The following PPP2R5C variants were observed in gnomAD, a reference collection of about 807,000 sequenced individuals.
PPP2R5C encodes the protein protein phosphatase 2 regulatory subunit B'gamma.
A neutral mutation model predicts 68.9 loss-of-function variants in PPP2R5C; 7 were observed. The observed-to-expected ratio is 0.10, with a 90% CI of 0.06 to 0.19. PPP2R5C has a LOEUF of 0.19. Ranked by LOEUF, PPP2R5C falls within the 10% of genes least tolerant of loss-of-function variation. The pLI, the probability that PPP2R5C is intolerant of heterozygous loss-of-function variation, is 1.00. For missense variants in PPP2R5C, 348 were observed against 641.3 expected (o/e 0.54, Z 4.94); for synonymous variants, 210 against 222.2 (o/e 0.95, Z 0.49).
chr14:101,905,761 A>G (rs372312089), intron 9 of PPP2R5C, among the ~76,000 whole-genome samples: 8 of 151,894 alleles, frequency 5.3e-5, no homozygotes, highest in African/African-American at 4.8e-5. Flanking sequence ...CCTACTGTTC[A>G]TGCCCCCACT....
At chr14:101,765,495 G>T (rs1190998044) in intron 2 of PPP2R5C, 3 of 476,244 alleles carry the variant, frequency 6.3e-6, no homozygotes, top group Admixed American at 7.0e-5. Flanking sequence ...CTCTCTCTCA[G>T]TATTACTCTT....
At chr14:101,883,680 A>C in intron 5 of PPP2R5C, 118 bp downstream of exon 7, 1 of 1,345,706 alleles carries the variant, frequency 7.4e-7, no homozygotes, top group Non-Finnish European at 1.0e-6. Flanking sequence ...GGGTTTCTCA[A>C]AGCCTATTTG....
chr14:101,903,306 T>C (rs1229370287), intron 9 of PPP2R5C, among the ~76,000 whole-genome samples: 1 of 152,176 alleles, frequency 6.6e-6, no homozygotes, highest in Non-Finnish European at 1.5e-5. Flanking sequence ...CAATGTGCTG[T>C]TTTGCATAAA....
chr14:101,835,927 G>C lies in PPP2R5C; in HGVS notation c.95-20759G>C, dbSNP rs1275782583. ...GTAGCCCCTCTGTGTGTTCTTACTA[G>C]GATTAGTGGGCTGGGAAAAGTTACA... On this transcript the variant is annotated intron_variant, in intron 1 of 13. Transcript: ENST00000334743. This position sits in a 1 kb window ranked among gnomAD's most constrained non-coding sequence, Gnocchi z 5.0. Among the ~76,000 whole-genome samples, 1 of 152,150 alleles carries C rather than the reference G, an allele frequency of 6.6e-6. No individual in the cohort carries two copies. Among genetic ancestry groups the C allele is most frequent in the East Asian group, 1.9e-4 (1 of 5,194 alleles).
At chr14:101,867,476 T>C (rs2043148544) in intron 2 of PPP2R5C, among the ~76,000 whole-genome samples, 1 of 151,966 alleles carries the variant, frequency 6.6e-6, no homozygotes, top group Non-Finnish European at 1.5e-5. Flanking sequence ...TATTTTTCTT[T>C]CTTAAAAATA....
chr14:101,803,675 C>T (rs2038961785), intron 3 of PPP2R5C, among the ~76,000 whole-genome samples: 1 of 150,868 alleles, frequency 6.6e-6, no homozygotes, highest in African/African-American at 2.4e-5. Context: ...AGCGAGCAGA[C>T]ATCGCACCAC....
At chr14:101,910,185 C>T (rs1209928596) in intron 11 of PPP2R5C, among the ~76,000 whole-genome samples, 2 of 152,100 alleles carry the variant, frequency 1.3e-5, no homozygotes, top group South Asian at 2.1e-4. Flanking sequence ...GCCTTTGAGC[C>T]CACATGTGTC....
At chr14:101,808,750 C>A (rs2039182636), upstream of PPP2R5C, among the ~76,000 whole-genome samples, 1 of 152,146 alleles carries the variant, frequency 6.6e-6, no homozygotes, top group South Asian at 2.1e-4. Context: ...AAATGAGGAG[C>A]CATGGTTTGG....
intron 13 of PPP2R5C, among the ~76,000 whole-genome samples, chr14:101,920,331 T>A (rs987959480): frequency 1.3e-5 from 2 of 152,216 alleles, no homozygotes; most frequent in Non-Finnish European, 2.9e-5. Context: ...GGTTACCTTA[T>A]ACAGTGACAG....
intron 3 of PPP2R5C, among the ~76,000 whole-genome samples, chr14:101,801,764 C>T (rs1463677180): frequency 6.6e-6 from 1 of 152,194 alleles, no homozygotes; most frequent in Non-Finnish European, 1.5e-5. Context: ...CAGTACTGCC[C>T]AAAGCAATCT....
At chr14:101,840,309 CAGAA>C (rs755550258) in intron 1 of PPP2R5C, among the ~76,000 whole-genome samples, 12 of 151,876 alleles carry the variant, frequency 7.9e-5, no homozygotes, top group Non-Finnish European at 1.8e-4. Flanking sequence ...TCAAAAGAGT[CAGAA>C]AGAACCTCAT....
At chr14:101,772,645 T>A (rs1012271374) in intron 2 of PPP2R5C, among the ~76,000 whole-genome samples, 7 of 151,954 alleles carry the variant, frequency 4.6e-5, no homozygotes, top group African/African-American at 7.3e-5. Context: ...AAATTTTTTT[T>A]AAAAGCCGAG....
upstream of PPP2R5C, among the ~76,000 whole-genome samples, chr14:101,808,838 G>A (rs184499608): frequency 9.9e-4 from 150 of 152,206 alleles, no homozygotes; most frequent in African/African-American, 3.4e-3. Flanking sequence ...CTTATAGTTC[G>A]TTTTCATTTG....
chr14:101,843,754 T>G, intron 1 of PPP2R5C: 1 of 209,878 alleles, frequency 4.8e-6, no homozygotes, highest in Non-Finnish European at 9.9e-6. Context: ...ACAGCAAATT[T>G]TACTTTTTTC....
chr14:101,819,138 G>C, intron 1 of PPP2R5C: 1 of 1,459,536 alleles, frequency 6.9e-7, no homozygotes, highest in Non-Finnish European at 9.4e-7. Flanking sequence ...GACAGTTTCT[G>C]TACATGTATA....
chr14:101,825,211 C>CGTGTGTGTGTGTGTGTGT lies in PPP2R5C; in HGVS notation c.94+15196_94+15213dup, dbSNP rs10588262. Among the ~76,000 whole-genome samples the CGTGTGTGTGTGTGTGTGT allele has an allele frequency of 2.1e-5, 3 of 143,110 alleles. No individual in the cohort carries two copies. The highest frequency in any genetic ancestry group is 2.1e-4 in the East Asian group (1 of 4,816). 93.9% of individuals were successfully genotyped at this position (143,110 alleles called of 152,430 possible). On this transcript the variant is annotated intron_variant, in intron 1 of 13. Transcript: ENST00000334743. The surrounding 1 kb of genome is among the most constrained non-coding windows in gnomAD (Gnocchi z 4.0). ...AGGGATAGGATAAGAGGGTTTTCAG[C>CGTGTGTGTGTGTGTGTGT]GTGTGTGTGTGTGTGTGTGTGTGTG...
In PPP2R5C at chr14:101,840,443, C is replaced by T. The variant is rs1595341739; in HGVS notation, c.95-16243C>T. On this transcript the variant is annotated intron_variant, in intron 1 of 13. Coordinates refer to ENST00000334743, the Ensembl canonical transcript of PPP2R5C. ...CTGCTTTCTGGTTTTTATCTTCTTA[C>T]CCATGTGAGCTTCCAGCACCACCTG... Among the ~76,000 whole-genome samples the T allele has an allele frequency of 1.4e-5, 2 of 144,954 alleles. 1 individual carries two copies. Among genetic ancestry groups the T allele is most frequent in the South Asian group, 4.4e-4 (2 of 4,570 alleles).
chr14:101,887,197 ACCCATGGTG>A lies in PPP2R5C; in HGVS notation c.630-3037_630-3029del, dbSNP rs1397288406. ...TGTGAGTTAAACAGTGCTGTCCATA[ACCCATGGTG>A]CCTGCTCTGGCACACAGCGGGACCT... On this transcript the variant is annotated intron_variant, in intron 5 of 13. Transcript: ENST00000334743. Among the ~76,000 whole-genome samples the A allele has an allele frequency of 2.0e-5, 3 of 152,156 alleles. No individual in the cohort carries two copies. The South Asian group carries it at 6.2e-4, about 32-fold the overall frequency.
At chr14:101,798,816 C>T (rs895435205) in intron 3 of PPP2R5C, among the ~76,000 whole-genome samples, 3 of 152,068 alleles carry the variant, frequency 2.0e-5, no homozygotes, top group Non-Finnish European at 2.9e-5. Context: ...AATGTCACTG[C>T]GAGGCCAGCG....
Sources: gnomAD v4.1 joint callset for allele counts (sites outside exome capture counted in the v4.1 genomes callset) on GRCh38, gnomAD v4.1.1 for gene constraint, Gnocchi (gnomAD v3.1) non-coding constraint, MANE v1.5 for transcripts, NCBI Gene and HGNC (gene_info 2026-07-23, HGNC 2026-07-21) for gene names.